LPP: variants seen among roughly 807,000 people sequenced by gnomAD.
The protein encoded by LPP is LIM domain containing preferred translocation partner in lipoma, also known as lipoma-preferred partner.
LPP carries 38 observed loss-of-function variants against 60.4 expected under a neutral mutation model. That is an observed-to-expected ratio of 0.63 (90% confidence interval 0.49 to 0.83). The LOEUF is 0.83. Among genes scored for constraint, LPP ranks in the 40% least tolerant of loss-of-function variants. The pLI is 0.00. For missense variants in LPP, 902 were observed against 783.6 expected (o/e 1.15, Z -1.80); for synonymous variants, 328 against 290.8 (o/e 1.13, Z -1.30).
intron 6 of LPP, among the ~76,000 whole-genome samples, chr3:188,538,143 TG>T (rs1824148344): frequency 6.6e-6 from 1 of 152,186 alleles, no homozygotes; most frequent in Admixed American, 6.5e-5. Context: ...TTCATGAAAT[TG>T]GGTTAGTCAG....
chr3:188,506,661 G>C (rs549452965), intron 5 of LPP, among the ~76,000 whole-genome samples: 2 of 152,100 alleles, frequency 1.3e-5, no homozygotes, highest in Non-Finnish European at 2.9e-5. Flanking sequence ...AGGAGAGCTG[G>C]TCCTAACCAC....
At chr3:188,524,854 A>G (rs1488122645) in intron 6 of LPP, 67 bp downstream of exon 6, 4 of 1,499,762 alleles carry the variant, frequency 2.7e-6, no homozygotes. Flanking sequence ...CAGAAAGAAC[A>G]TGCTGCACCT....
At position 188,441,609 on chromosome 3, in the gene LPP, C is replaced by CTTTTTTTTTTTTTTTTT. The variant is rs1004222826; in HGVS notation, c.193+35309_193+35325dup. ...ACAGTTTCTTTTTTTCTTTTCTTTTCTTTTTTTTTTTTTTTTTTTTTTTTT... is the reference window on the plus strand; with the variant it reads ...ACAGTTTCTTTTTTTCTTTTCTTTTCTTTTTTTTTTTTTTTTTTTTTTTTTTTTTTTTTTTTTTTTTT... On this transcript the variant is annotated intron_variant, in intron 4 of 11. Coordinates refer to ENST00000617246, the MANE Select transcript of LPP (RefSeq NM_001375462.1). Among the ~76,000 whole-genome samples the CTTTTTTTTTTTTTTTTT allele has an allele frequency of 5.8e-3, 325 of 55,570 alleles. 39 individuals are homozygous for CTTTTTTTTTTTTTTTTT. The highest frequency in any genetic ancestry group is 7.3e-3 in the Non-Finnish European group (214 of 29,370). 36.5% of individuals were successfully genotyped at this position (55,570 alleles called of 152,430 possible). A position where few individuals can be genotyped will look rare whatever the true frequency, so the allele number is the denominator to read the frequency against.
At chr3:188,357,804 A>T (rs1768048947) in intron 3 of LPP, among the ~76,000 whole-genome samples, 2 of 152,208 alleles carry the variant, frequency 1.3e-5, no homozygotes, top group African/African-American at 4.8e-5. Flanking sequence ...AAACAAAAAA[A>T]CAGCATGTTT....
At chr3:188,649,252 T>C (rs1851644582) in intron 7 of LPP, among the ~76,000 whole-genome samples, 1 of 152,228 alleles carries the variant, frequency 6.6e-6, no homozygotes, top group Non-Finnish European at 1.5e-5. Flanking sequence ...GCTCTGACAG[T>C]AGCATTTACA....
At chr3:188,444,587 G>T (rs1286528958) in intron 4 of LPP, among the ~76,000 whole-genome samples, 1 of 152,136 alleles carries the variant, frequency 6.6e-6, no homozygotes, top group African/African-American at 2.4e-5. Flanking sequence ...AAGACTTCAT[G>T]ACTAAAACAC....
At chr3:188,262,807 A>G (rs1051065641) in intron 2 of LPP, among the ~76,000 whole-genome samples, 2 of 152,012 alleles carry the variant, frequency 1.3e-5, no homozygotes, top group African/African-American at 4.8e-5. Context: ...GAAAACTGAA[A>G]TCTAGAACTT....
At chr3:188,488,740 G>A (rs1196758890) in intron 5 of LPP, among the ~76,000 whole-genome samples, 1 of 151,948 alleles carries the variant, frequency 6.6e-6, no homozygotes, top group Non-Finnish European at 1.5e-5. Context: ...AGGTTCAAGC[G>A]ATTCTCCTGC....
At chr3:188,197,557 T>C (rs1235294211) in intron 1 of LPP, among the ~76,000 whole-genome samples, 2 of 152,090 alleles carry the variant, frequency 1.3e-5, no homozygotes, top group East Asian at 3.9e-4. Context: ...CTGTATAGCA[T>C]AGAGGTGACC....
rs201295538 is a variant in LPP, at chr3:188,501,565, C to T, written c.306+16861C>T. Among the ~76,000 whole-genome samples, 44 of 151,586 alleles carry T rather than the reference C, an allele frequency of 2.9e-4. No individual in the cohort carries two copies. In the East Asian group the frequency reaches 3.7e-3, roughly 13 times the overall value. ...GAGATCGAGACCATCCTGGCTAACG[C>T]GGTGAAACCCTGTCTCTACTAAAAT... On this transcript the variant is annotated intron_variant, in intron 5 of 11. Coordinates refer to ENST00000617246, the MANE Select transcript of LPP (RefSeq NM_001375462.1).
chr3:188,437,555 A>G (rs539512299), intron 4 of LPP, among the ~76,000 whole-genome samples: 2 of 152,158 alleles, frequency 1.3e-5, no homozygotes, highest in African/African-American at 4.8e-5. Flanking sequence ...TTTTCTCTGT[A>G]CTCTTTTAGT....
At chr3:188,536,993 A>G (rs143434924) in intron 6 of LPP, among the ~76,000 whole-genome samples, 10 of 152,334 alleles carry the variant, frequency 6.6e-5, no homozygotes, top group African/African-American at 2.2e-4. Flanking sequence ...CAAATGGCCA[A>G]CTTATGTTAA....
At chr3:188,222,875 G>A (rs901938864) in intron 1 of LPP, among the ~76,000 whole-genome samples, 2 of 151,996 alleles carry the variant, frequency 1.3e-5, no homozygotes, top group Non-Finnish European at 2.9e-5. Context: ...TGCCCATAAT[G>A]TTTGAGGTCA....
intron 3 of LPP, among the ~76,000 whole-genome samples, chr3:188,357,972 T>C (rs1159644243): frequency 6.6e-6 from 1 of 152,134 alleles, no homozygotes; most frequent in African/African-American, 2.4e-5. Flanking sequence ...CAATAAACAT[T>C]ATGAATGGAT....
At chr3:188,475,392 G>T (rs1377171859) in intron 4 of LPP, among the ~76,000 whole-genome samples, 1 of 152,116 alleles carries the variant, frequency 6.6e-6, no homozygotes, top group Non-Finnish European at 1.5e-5. Flanking sequence ...TAGATTCTGC[G>T]ATTCATTTTA....
At chr3:188,850,918 A>G (rs944166427) in intron 9 of LPP, among the ~76,000 whole-genome samples, 9 of 152,252 alleles carry the variant, frequency 5.9e-5, no homozygotes, top group Non-Finnish European at 8.8e-5. Flanking sequence ...CTTTATTCCA[A>G]TAAAAAGAAG....
intron 7 of LPP, among the ~76,000 whole-genome samples, chr3:188,669,064 A>G (rs1422968579): frequency 6.6e-6 from 1 of 152,180 alleles, no homozygotes; most frequent in South Asian, 2.1e-4. Flanking sequence ...ATAGAGTACT[A>G]AAGAAGGAGC....
chr3:188,486,127 T>C (rs1806434142), intron 5 of LPP, among the ~76,000 whole-genome samples: 1 of 152,152 alleles, frequency 6.6e-6, no homozygotes, highest in Non-Finnish European at 1.5e-5. Context: ...CTTTTAAACA[T>C]ATACCTTTGT....
rs1166964189 is a variant in LPP, at chr3:188,217,794, C to A, written c.-189-7611C>A. Among the ~76,000 whole-genome samples, 1 of 152,148 alleles carries A rather than the reference C, an allele frequency of 6.6e-6. No individual in the cohort carries two copies. The stretch of plus-strand genomic sequence containing the variant: ...AAGACCAAAGAGTATCTGTTTCTCA[C>A]CCCTCTCCCATTTAGTTTCTAACCT... On this transcript the variant is annotated intron_variant, in intron 1 of 11. Coordinates refer to ENST00000617246, the MANE Select transcript of LPP (RefSeq NM_001375462.1). This position sits in a 1 kb window ranked among gnomAD's most constrained non-coding sequence, Gnocchi z 4.0.
Sources: gnomAD v4.1 joint callset for allele counts (sites outside exome capture counted in the v4.1 genomes callset) on GRCh38, gnomAD v4.1.1 for gene constraint, Gnocchi (gnomAD v3.1) non-coding constraint, MANE v1.5 for transcripts, NCBI Gene and HGNC (gene_info 2026-07-23, HGNC 2026-07-21) for gene names.